HLCS: variants seen among roughly 807,000 people sequenced by gnomAD.
HLCS encodes biotin--protein ligase.
Under a neutral mutation model 75.0 loss-of-function variants are expected in HLCS, and 53 were observed. The ratio of observed to expected loss-of-function variants is 0.71; its 90% CI spans 0.57 to 0.89. The LOEUF (loss-of-function observed/expected upper bound fraction) is 0.89, where lower values mean the gene tolerates loss of function less well. Ranked by LOEUF, HLCS falls within the 40% of genes least tolerant of loss-of-function variation. HLCS has a pLI of 0.00. For missense variants in HLCS, 966 were observed against 1,074.0 expected (o/e 0.90, Z 1.41); for synonymous variants, 431 against 428.6 (o/e 1.01, Z -0.07).
At chr21:36,814,711 T>A (rs2061609202) in intron 6 of HLCS, among the ~76,000 whole-genome samples, 1 of 152,170 alleles carries the variant, frequency 6.6e-6, no homozygotes, top group Non-Finnish European at 1.5e-5. Context: ...AACTTTAACG[T>A]GCATACAAAT....
At chr21:36,939,820 C>T (rs2067061651) in intron 2 of HLCS, among the ~76,000 whole-genome samples, 1 of 152,198 alleles carries the variant, frequency 6.6e-6, no homozygotes, top group African/African-American at 2.4e-5. Context: ...CTAATCATCA[C>T]TGTCTGTCCT....
chr21:36,868,208 G>GAAAAA (rs1569122231), intron 6 of HLCS, among the ~76,000 whole-genome samples: 5 of 142,914 alleles, frequency 3.5e-5, no homozygotes, highest in South Asian at 4.6e-4. Flanking sequence ...AAAAGGGAAG[G>GAAAAA]GAAGGGAAAA....
In HLCS at chr21:36,748,802, G is replaced by GT. The variant is rs1292671449; in HGVS notation, c.*5443dup. On this transcript the variant is annotated 3_prime_UTR_variant, in exon 11 of 11. Transcript: ENST00000674895. ...CTATGAACTCTTGATAACACCAAGAGTAGCACCTTCAGAATATATTGAATA... is the reference window on the plus strand; with the variant it reads ...CTATGAACTCTTGATAACACCAAGAGTTAGCACCTTCAGAATATATTGAATA... 4 of 152,554 alleles carry GT rather than the reference G, an allele frequency of 2.6e-5. No homozygotes were observed. Among genetic ancestry groups the GT allele is most frequent in the Non-Finnish European group, 5.9e-5 (4 of 68,030 alleles). The allele number at this position is 152,554 out of a possible 1,614,324, so 9.5% of individuals were successfully genotyped here. A position where few individuals can be genotyped will look rare whatever the true frequency, so the allele number is the denominator to read the frequency against.
At chr21:36,871,556 C>T (rs2063770104) in intron 6 of HLCS, among the ~76,000 whole-genome samples, 2 of 151,992 alleles carry the variant, frequency 1.3e-5, no homozygotes, top group African/African-American at 4.8e-5. Context: ...ATACAATTTC[C>T]ATCAATTTAC....
At chr21:36,789,913 T>C (rs191678824) in intron 6 of HLCS, among the ~76,000 whole-genome samples, 3 of 152,320 alleles carry the variant, frequency 2.0e-5, no homozygotes, top group Admixed American at 6.5e-5. Context: ...AACTTTCCGA[T>C]GTATCTGATC....
At chr21:36,809,232 G>C (rs2061441455) in intron 6 of HLCS, among the ~76,000 whole-genome samples, 3 of 151,648 alleles carry the variant, frequency 2.0e-5, no homozygotes, top group Non-Finnish European at 4.4e-5. Context: ...AAAAATTCTG[G>C]GTTAGAATTT....
chr21:36,900,484 C>T lies in HLCS; in HGVS notation c.1621-3353G>A, dbSNP rs146286330. Among the ~76,000 whole-genome samples the T allele has an allele frequency of 7.0e-4, 107 of 152,260 alleles. 2 individuals are homozygous for T. In the East Asian group the frequency reaches 0.012, roughly 17 times the overall value. On this transcript the variant is annotated intron_variant, in intron 5 of 10. Transcript: ENST00000674895. ...AAGGCAGAGGGGGTGGTGAGAGCCA[C>T]CGTCCACATCGCGGAGGGCCTCAAA...
At chr21:36,943,676 A>G (rs1395222632) in intron 2 of HLCS, among the ~76,000 whole-genome samples, 1 of 151,998 alleles carries the variant, frequency 6.6e-6, no homozygotes, top group African/African-American at 2.4e-5. Context: ...GCCAGGAGCC[A>G]GGTGTGTTGA....
chr21:36,767,096 C>G (rs1307598110), intron 7 of HLCS, 122 bp downstream of exon 7: 2 of 943,676 alleles, frequency 2.1e-6, no homozygotes, highest in African/African-American at 3.2e-5. Context: ...GTTATGAAAA[C>G]AGAATCTACT....
chr21:36,931,337 C>T (rs1300403663), intron 4 of HLCS, among the ~76,000 whole-genome samples: 1 of 148,288 alleles, frequency 6.7e-6, no homozygotes, highest in African/African-American at 2.5e-5. Flanking sequence ...TGCTGAAAAC[C>T]TAATTGCTAG....
intron 6 of HLCS, among the ~76,000 whole-genome samples, chr21:36,770,537 AT>A (rs1380324435): frequency 2.6e-5 from 4 of 151,258 alleles, no homozygotes; most frequent in Admixed American, 2.0e-4. Flanking sequence ...CTATATTAAG[AT>A]TTTTTTTCTT....
rs765053035 is a variant in HLCS at position 36,748,705 on chromosome 21, A to C, written c.*5541T>G. The stretch of plus-strand genomic sequence containing the variant: ...CCAAGACTAAGGGGGTGACCATGCA[A>C]TTCCATTTTGTGTCTGTGAACATAG... On this transcript the variant is annotated 3_prime_UTR_variant, in exon 11 of 11. Transcript: ENST00000674895. 1 of 152,632 alleles carries C rather than the reference A, an allele frequency of 6.6e-6. No homozygotes were observed. The highest frequency in any genetic ancestry group is 1.5e-5 in the Non-Finnish European group (1 of 68,052). The allele number at this position is 152,632 out of a possible 1,614,324, so 9.5% of individuals were successfully genotyped here. A position where few individuals can be genotyped will look rare whatever the true frequency, so the allele number is the denominator to read the frequency against.
chr21:36,856,654 C>G (rs908121817), intron 6 of HLCS, among the ~76,000 whole-genome samples: 2 of 151,854 alleles, frequency 1.3e-5, no homozygotes, highest in Non-Finnish European at 2.9e-5. Context: ...GTAACACAGT[C>G]CCCCCAGCAA....
At chr21:36,970,682 A>G (rs1015651932), upstream of HLCS, among the ~76,000 whole-genome samples, 1 of 151,790 alleles carries the variant, frequency 6.6e-6, no homozygotes, top group Admixed American at 6.6e-5. Flanking sequence ...GATACTTTCT[A>G]AGAACCAAGG....
intron 4 of HLCS, among the ~76,000 whole-genome samples, chr21:36,932,337 T>C (rs2066684531): frequency 1.3e-5 from 2 of 152,206 alleles, no homozygotes; most frequent in South Asian, 4.1e-4. Flanking sequence ...TTGTTTGTCA[T>C]TTCACTTAAG....
At chr21:36,960,847 G>A (rs1334731678) in intron 2 of HLCS, among the ~76,000 whole-genome samples, 1 of 152,174 alleles carries the variant, frequency 6.6e-6, no homozygotes, top group East Asian at 1.9e-4. Flanking sequence ...CACCTGGAGG[G>A]ATGACATCCA....
At chr21:36,819,144 A>G (rs1191229876) in intron 6 of HLCS, among the ~76,000 whole-genome samples, 2 of 152,238 alleles carry the variant, frequency 1.3e-5, no homozygotes, top group East Asian at 1.9e-4. Flanking sequence ...GGGAATCCAC[A>G]TGGTGTGTTT....
chr21:36,889,210 T>C (rs1255453335), intron 6 of HLCS, among the ~76,000 whole-genome samples: 1 of 152,226 alleles, frequency 6.6e-6, no homozygotes, highest in Non-Finnish European at 1.5e-5. Context: ...AATCAGCTTA[T>C]TTAATAAGAA....
chr21:36,899,213 T>C (rs1054444609), intron 5 of HLCS, among the ~76,000 whole-genome samples: 2 of 152,220 alleles, frequency 1.3e-5, no homozygotes, highest in African/African-American at 2.4e-5. Context: ...TTATTAAATC[T>C]AGATGATGGG....
Sources: allele counts gnomAD v4.1 joint callset (sites outside exome capture counted in the v4.1 genomes callset), GRCh38; gene constraint gnomAD v4.1.1; transcripts MANE v1.5; gene names NCBI Gene and HGNC (gene_info 2026-07-23, HGNC 2026-07-21).